ZFHX3: variants seen among roughly 807,000 people sequenced by gnomAD.
ZFHX3 encodes the protein zinc finger homeobox protein 3.
In ZFHX3, 42 loss-of-function variants were observed where a neutral mutation model predicts 279.1. That is an observed-to-expected ratio of 0.15 (90% CI 0.12 to 0.19). The LOEUF is 0.19. Ranked by LOEUF, ZFHX3 falls within the 10% of genes least tolerant of loss-of-function variation. ZFHX3 has a pLI of 1.00. For missense variants in ZFHX3, 4,981 were observed against 4,754.0 expected (o/e 1.05, Z -1.40); for synonymous variants, 2,293 against 1,957.8 (o/e 1.17, Z -4.52).
intron 2 of ZFHX3, among the ~76,000 whole-genome samples, chr16:73,530,702 G>C (rs2019784989): frequency 6.6e-6 from 1 of 152,138 alleles, no homozygotes; most frequent in Admixed American, 6.5e-5. Flanking sequence ...TACACCTTCT[G>C]AGGTGCTGTC....
chr16:73,095,721 T>C (rs1966153785), intron 7 of ZFHX3, among the ~76,000 whole-genome samples: 1 of 152,254 alleles, frequency 6.6e-6, no homozygotes, highest in South Asian at 2.1e-4. Flanking sequence ...GTAATCATTT[T>C]ACATTTTAAA....
At chr16:73,271,095 T>G (rs1414706703) in intron 4 of ZFHX3, among the ~76,000 whole-genome samples, 2 of 152,210 alleles carry the variant, frequency 1.3e-5, no homozygotes, top group East Asian at 3.8e-4. Context: ...TTGTCTGGGG[T>G]GTGGCCCAGG....
At chr16:73,835,969 G>C (rs187052145) in intron 1 of ZFHX3, among the ~76,000 whole-genome samples, 1 of 152,220 alleles carries the variant, frequency 6.6e-6, no homozygotes, top group Non-Finnish European at 1.5e-5. Context: ...AAAAGAAAAT[G>C]GGCTCATGGA....
At chr16:72,876,697 G>T (rs559028669) in intron 4 of ZFHX3, among the ~76,000 whole-genome samples, 40 of 152,160 alleles carry the variant, frequency 2.6e-4, no homozygotes, top group Admixed American at 1.3e-4. Flanking sequence ...GTCCAATCTG[G>T]AAGAAAACAA....
intron 4 of ZFHX3, among the ~76,000 whole-genome samples, chr16:72,872,803 C>T (rs536769811): frequency 1.3e-5 from 2 of 152,150 alleles, no homozygotes; most frequent in Non-Finnish European, 2.9e-5. Flanking sequence ...CTCACCTACA[C>T]GCCTTTCAAA....
chr16:72,826,834 C>G (rs1597282299), intron 5 of ZFHX3, among the ~76,000 whole-genome samples: 1 of 152,162 alleles, frequency 6.6e-6, no homozygotes, highest in Admixed American at 6.5e-5. Flanking sequence ...GAAAGTGGAA[C>G]CTTATTAAGG....
intron 7 of ZFHX3, among the ~76,000 whole-genome samples, chr16:73,115,939 T>C (rs897994010): frequency 6.6e-6 from 1 of 151,922 alleles, no homozygotes; most frequent in South Asian, 2.1e-4. Flanking sequence ...ACCAACATCA[T>C]GGAGAAACCC....
intron 3 of ZFHX3, among the ~76,000 whole-genome samples, chr16:73,427,729 T>G (rs762311938): frequency 8.0e-5 from 12 of 149,428 alleles, no homozygotes; most frequent in Non-Finnish European, 1.2e-4. Flanking sequence ...AGGTCAGGAG[T>G]TCAAGACCAG....
At chr16:73,574,855 G>A (rs934575690) in intron 2 of ZFHX3, among the ~76,000 whole-genome samples, 6 of 152,082 alleles carry the variant, frequency 3.9e-5, no homozygotes, top group African/African-American at 1.4e-4. Context: ...AGTTCCCTCT[G>A]CTTCACTGCC....
chr16:73,668,047 T>C (rs939994033), intron 2 of ZFHX3, among the ~76,000 whole-genome samples: 4 of 152,210 alleles, frequency 2.6e-5, no homozygotes, highest in Non-Finnish European at 5.9e-5. Flanking sequence ...CATATTCATG[T>C]TTCCTTCTTG....
At chr16:73,389,779 G>A (rs1049551064) in intron 3 of ZFHX3, among the ~76,000 whole-genome samples, 2 of 152,222 alleles carry the variant, frequency 1.3e-5, no homozygotes, top group Admixed American at 6.5e-5. Context: ...TGAAAAATCG[G>A]CCAGGCATGG....
chr16:73,608,668 T>C (rs1049548753), intron 2 of ZFHX3: 1 of 152,206 alleles, frequency 6.6e-6, no homozygotes, highest in African/African-American at 2.4e-5. Context: ...TGATGCGATA[T>C]TAACTAATGA....
At chr16:73,047,604 A>T (rs1414514591) in intron 1 of ZFHX3, 148 bp downstream of exon 1, 1 of 152,714 alleles carries the variant, frequency 6.5e-6, no homozygotes, top group Admixed American at 6.5e-5. Context: ...CACCCTAGGT[A>T]GGTGGCAACT....
intron 2 of ZFHX3, among the ~76,000 whole-genome samples, chr16:73,479,968 G>C (rs1194763241): frequency 6.6e-6 from 1 of 152,216 alleles, no homozygotes; most frequent in African/African-American, 2.4e-5. Flanking sequence ...CAACCCAGGA[G>C]TTGGTGATGA....
intron 2 of ZFHX3, among the ~76,000 whole-genome samples, chr16:73,594,178 A>G (rs9933783): frequency 0.035 from 5,333 of 152,284 alleles, 309 homozygotes; most frequent in African/African-American, 0.12. Context: ...GCAATATACT[A>G]AATCAATGGA....
At chr16:73,555,434 G>C (rs1470902370) in intron 2 of ZFHX3, among the ~76,000 whole-genome samples, 1 of 151,940 alleles carries the variant, frequency 6.6e-6, no homozygotes, top group Non-Finnish European at 1.5e-5. Flanking sequence ...GATTACAGGC[G>C]TGAGCCACCG....
At chr16:73,169,373 G>T (rs1233223083) in intron 5 of ZFHX3, among the ~76,000 whole-genome samples, 2 of 152,126 alleles carry the variant, frequency 1.3e-5, no homozygotes, top group African/African-American at 4.8e-5. Context: ...TTTAATGCAG[G>T]TTATAAATAT....
At chr16:73,881,480 G>GCCCCCCCC (rs796522913) in intron 1 of ZFHX3, among the ~76,000 whole-genome samples, 1 of 23,556 alleles carries the variant, frequency 4.2e-5, no homozygotes, top group African/African-American at 1.1e-4. Flanking sequence ...CTCTCTCTCT[G>GCCCCCCCC]CCCCCCCCCC....
At chr16:73,053,498 G>A (rs1231205420) in intron 1 of ZFHX3, among the ~76,000 whole-genome samples, 1 of 152,122 alleles carries the variant, frequency 6.6e-6, no homozygotes, top group African/African-American at 2.4e-5. Flanking sequence ...GCATGGAGAA[G>A]TGGACAATAA....
Sources: gnomAD v4.1 joint callset for allele counts (sites outside exome capture counted in the v4.1 genomes callset) on GRCh38, gnomAD v4.1.1 for gene constraint, MANE v1.5 for transcripts, NCBI Gene and HGNC (gene_info 2026-07-23, HGNC 2026-07-21) for gene names.